Variants in AKR1C8 observed in about 807,000 individuals in gnomAD.
AKR1C8 encodes the protein aldo-keto reductase family 1 member C-like protein 1.
the AKR1C8 span, among the ~76,000 whole-genome samples, chr10:5,165,056 G>A: frequency 6.6e-6 from 1 of 152,110 alleles, no homozygotes; most frequent in Non-Finnish European, 1.5e-5. Context: ...TGATTCCCTA[G>A]AAACAAGGGG....
chr10:5,173,592 A>G, the AKR1C8 span, among the ~76,000 whole-genome samples: 1 of 151,996 alleles, frequency 6.6e-6, no homozygotes, highest in East Asian at 1.9e-4. Flanking sequence ...GCCAAAAAAG[A>G]CTTCAAGAAA....
the AKR1C8 span, among the ~76,000 whole-genome samples, chr10:5,146,514 G>A: frequency 2.0e-4 from 31 of 152,160 alleles, no homozygotes; most frequent in Admixed American, 1.5e-3. Context: ...CTTATGTCTC[G>A]TAATATAGAA....
At chr10:5,157,684 A>G in the AKR1C8 span, 1 of 472,764 alleles carries the variant, frequency 2.1e-6, no homozygotes, top group Non-Finnish European at 4.4e-6. Context: ...GGCCAGCACC[A>G]CCACTCCCCG....
At chr10:5,138,458 C>A in the AKR1C8 span, among the ~76,000 whole-genome samples, 4,793 of 152,054 alleles carry the variant, frequency 0.032, 257 homozygotes, top group African/African-American at 0.11. Flanking sequence ...TTCCCTTGTT[C>A]CCTAAAAATC....
chr10:5,146,209 G>A, the AKR1C8 span, among the ~76,000 whole-genome samples: 5 of 116,070 alleles, frequency 4.3e-5, no homozygotes, highest in Non-Finnish European at 6.9e-5. Flanking sequence ...TGGGGTGGGG[G>A]GAGGGGGGAG....
chr10:5,160,647 T>G, the AKR1C8 span, among the ~76,000 whole-genome samples: 2 of 152,152 alleles, frequency 1.3e-5, no homozygotes, highest in Non-Finnish European at 2.9e-5. Flanking sequence ...GTAGAGGCCA[T>G]CTCATTCCAC....
chr10:5,153,735 A>G, the AKR1C8 span, among the ~76,000 whole-genome samples: 1 of 152,154 alleles, frequency 6.6e-6, no homozygotes, highest in South Asian at 2.1e-4. Flanking sequence ...CAGAACAGCA[A>G]GGGTAAAGAC....
chr10:5,162,939 G>A, the AKR1C8 span: 1 of 534,634 alleles, frequency 1.9e-6, no homozygotes, highest in Admixed American at 1.9e-5. Flanking sequence ...TCCTCATTTT[G>A]GTATAAGTAT....
the AKR1C8 span, among the ~76,000 whole-genome samples, chr10:5,150,954 C>A: frequency 6.6e-6 from 1 of 152,232 alleles, no homozygotes; most frequent in African/African-American, 2.4e-5. Flanking sequence ...TATTACTACT[C>A]AAATCAGTCT....
the AKR1C8 span, chr10:5,154,502 C>T: frequency 4.2e-6 from 1 of 237,126 alleles, no homozygotes; most frequent in African/African-American, 2.3e-5. Context: ...AGAGTACCTT[C>T]TAAGCAGTTA....
chr10:5,182,718 T>C, the AKR1C8 span, among the ~76,000 whole-genome samples: 1 of 152,078 alleles, frequency 6.6e-6, no homozygotes, highest in Non-Finnish European at 1.5e-5. Context: ...GAGACCAGCC[T>C]GGGCAACATA....
the AKR1C8 span, among the ~76,000 whole-genome samples, chr10:5,140,016 C>T: frequency 6.6e-6 from 1 of 152,136 alleles, no homozygotes; most frequent in Non-Finnish European, 1.5e-5. Context: ...CAAAAGAAGA[C>T]ATCTATGCAG....
the AKR1C8 span, chr10:5,123,638 A>G: frequency 2.6e-5 from 36 of 1,381,826 alleles, no homozygotes; most frequent in African/African-American, 4.8e-4. Flanking sequence ...AAACTCCAGG[A>G]AAGAGAGTAC....
At chr10:5,179,684 T>G in the AKR1C8 span, among the ~76,000 whole-genome samples, 1 of 141,248 alleles carries the variant, frequency 7.1e-6, no homozygotes, top group African/African-American at 2.6e-5. Flanking sequence ...TTTTTATTCT[T>G]TTTTCTCTAA....
chr10:5,126,520 T>C, the AKR1C8 span, among the ~76,000 whole-genome samples: 1 of 152,050 alleles, frequency 6.6e-6, no homozygotes, highest in South Asian at 2.1e-4. Context: ...CCCAACCACA[T>C]TGGGTACTTC....
At chr10:5,164,418 T>C in the AKR1C8 span, among the ~76,000 whole-genome samples, 2 of 151,982 alleles carry the variant, frequency 1.3e-5, no homozygotes, top group Non-Finnish European at 2.9e-5. Context: ...TCAAAAAACT[T>C]TGGGTGATAC....
chr10:5,124,127 G>A, the AKR1C8 span, among the ~76,000 whole-genome samples: 6 of 152,264 alleles, frequency 3.9e-5, no homozygotes, highest in African/African-American at 1.2e-4. Context: ...GTAGGATTCT[G>A]AGCTTTGGAC....
chr10:5,179,157 C>G, the AKR1C8 span, among the ~76,000 whole-genome samples: 44,608 of 151,844 alleles, frequency 0.29, 7,207 homozygotes, highest in Non-Finnish European at 0.36. Context: ...TTCAGGAGCT[C>G]TTTTAGGGCA....
At chr10:5,153,994 T>C in the AKR1C8 span, 1 of 234,562 alleles carries the variant, frequency 4.3e-6, no homozygotes, top group African/African-American at 2.3e-5. Flanking sequence ...AACATCTTCT[T>C]GTTAAAGTCT....
Sources: gnomAD v4.1 joint callset for allele counts (sites outside exome capture counted in the v4.1 genomes callset) on GRCh38, gnomAD v4.1.1 for gene constraint, MANE v1.5 for transcripts, NCBI Gene and HGNC (gene_info 2026-07-23, HGNC 2026-07-21) for gene names.